Variants in AIG1 observed in about 807,000 individuals in gnomAD.
AIG1 encodes the protein androgen induced 1, also known as androgen-induced gene 1 protein.
Under a neutral mutation model 31.4 loss-of-function variants are expected in AIG1, and 23 were observed. The ratio of observed to expected loss-of-function variants is 0.73; its 90% CI spans 0.53 to 1.04. The LOEUF (loss-of-function observed/expected upper bound fraction) is 1.04, where lower values mean the gene tolerates loss of function less well. Among genes scored for constraint, AIG1 ranks in the 50% least tolerant of loss-of-function variants. AIG1 has a pLI of 0.00. For missense variants in AIG1, 274 were observed against 295.0 expected, an observed-to-expected ratio of 0.93 and a Z score of 0.52; for synonymous variants, 100 against 110.5, an observed-to-expected ratio of 0.90 and a Z score of 0.60.
intron 3 of AIG1, among the ~76,000 whole-genome samples, chr6:143,273,040 A>G (rs974051658): frequency 6.6e-6 from 1 of 152,114 alleles, no homozygotes; most frequent in African/African-American, 2.4e-5. Context: ...GAGGCAGGAG[A>G]ATTGCTTGAA....
chr6:143,075,700 A>G (rs918973563), intron 1 of AIG1, among the ~76,000 whole-genome samples: 11 of 152,196 alleles, frequency 7.2e-5, no homozygotes, highest in African/African-American at 1.7e-4. Flanking sequence ...GGAAGCTTAC[A>G]TGATTAATAT....
Position 143,269,358 on chromosome 6 carries a change from C to T in AIG1, c.400-14752C>T, listed in dbSNP as rs77110413. ...TCAGAATAAGTGGAACTCTCATACACTGCTGACGGGAGGGTCTATTGGTAC... is the reference window on the plus strand; with the variant it reads ...TCAGAATAAGTGGAACTCTCATACATTGCTGACGGGAGGGTCTATTGGTAC... On this transcript the variant is annotated intron_variant, in intron 3 of 5. Transcript: ENST00000357847. 2.3e-3 allele frequency among the ~76,000 whole-genome samples: 349 copies of T among 152,364 alleles called. 1 individual carries two copies. Among genetic ancestry groups the T allele is most frequent in the African/African-American group, 7.9e-3 (327 of 41,582 alleles).
chr6:143,116,520 CT>C (rs1490802087), intron 1 of AIG1, among the ~76,000 whole-genome samples: 1 of 151,742 alleles, frequency 6.6e-6, no homozygotes, highest in African/African-American at 2.4e-5. Flanking sequence ...GTAAAAACTG[CT>C]GCCATGAAAT....
chr6:143,216,574 A>G (rs112584724), intron 3 of AIG1, among the ~76,000 whole-genome samples: 131 of 151,922 alleles, frequency 8.6e-4, no homozygotes, highest in African/African-American at 3.0e-3. Flanking sequence ...TCTTTTCAGC[A>G]GAGACTTTAC....
intron 3 of AIG1, among the ~76,000 whole-genome samples, chr6:143,223,930 T>C (rs527471369): frequency 5.3e-5 from 8 of 152,302 alleles, no homozygotes; most frequent in African/African-American, 1.9e-4. Context: ...GCTGTAGTGT[T>C]GATTTTAAAA....
In AIG1 at chr6:143,292,451, T is replaced by G. The variant is rs1413183552; in HGVS notation, c.515+8226T>G. Among the ~76,000 whole-genome samples, 1 of 152,142 alleles carries G rather than the reference T, an allele frequency of 6.6e-6. No homozygotes were observed. The highest frequency in any genetic ancestry group is 1.5e-5 in the Non-Finnish European group (1 of 68,030). On this transcript the variant is annotated intron_variant, in intron 4 of 5. Coordinates refer to ENST00000357847, the MANE Select transcript of AIG1 (RefSeq NM_016108.4). The surrounding 1 kb of genome is among the most constrained non-coding windows in gnomAD (Gnocchi z 4.9). ...AGGACTTGAACTGCCGTCACTGGCT[T>G]TGAAGACAGAGGAAGGGGCTGTGAG...
At chr6:143,164,155 C>T (rs1407286907) in intron 2 of AIG1, among the ~76,000 whole-genome samples, 4 of 152,080 alleles carry the variant, frequency 2.6e-5, no homozygotes, top group Non-Finnish European at 5.9e-5. Flanking sequence ...AATATTTATG[C>T]TGTATTTTTC....
At chr6:143,210,222 T>G (rs1238977195) in intron 3 of AIG1, among the ~76,000 whole-genome samples, 1 of 152,226 alleles carries the variant, frequency 6.6e-6, no homozygotes, top group Non-Finnish European at 1.5e-5. Flanking sequence ...TCTGCCATGA[T>G]TGTAAGTTTA....
At chr6:143,271,841 T>C (rs1796547642) in intron 3 of AIG1, among the ~76,000 whole-genome samples, 1 of 143,232 alleles carries the variant, frequency 7.0e-6, no homozygotes, top group Non-Finnish European at 1.5e-5. Flanking sequence ...GAATATATCT[T>C]TCAGTTTGCT....
intron 2 of AIG1, among the ~76,000 whole-genome samples, chr6:143,149,378 T>G (rs567784550): frequency 1.3e-5 from 2 of 151,170 alleles, no homozygotes; most frequent in African/African-American, 4.8e-5. Context: ...ATACAAAAAA[T>G]TAGCCAGGCG....
chr6:143,172,838 C>G (rs532828928), intron 3 of AIG1, among the ~76,000 whole-genome samples: 1 of 152,206 alleles, frequency 6.6e-6, no homozygotes, highest in South Asian at 2.1e-4. Flanking sequence ...TCTAGGTTTT[C>G]TAGTTTATGT....
intron 4 of AIG1, among the ~76,000 whole-genome samples, chr6:143,314,848 T>C (rs780924793): frequency 2.0e-5 from 3 of 152,156 alleles, no homozygotes; most frequent in Non-Finnish European, 4.4e-5. Context: ...GAAGCAAATC[T>C]GATTGATTTT....
intron 4 of AIG1, among the ~76,000 whole-genome samples, chr6:143,296,430 T>C (rs2128693144): frequency 6.6e-6 from 1 of 152,306 alleles, no homozygotes; most frequent in South Asian, 2.1e-4. Context: ...TGAGAGCATT[T>C]TGAAGACTCA....
chr6:143,125,855 T>G (rs1433948551), intron 1 of AIG1, among the ~76,000 whole-genome samples: 2 of 152,206 alleles, frequency 1.3e-5, no homozygotes, highest in Admixed American at 6.5e-5. Flanking sequence ...AAACTTATGT[T>G]TTTTCCTGCC....
At position 143,340,832 on chromosome 6, in the gene AIG1, TTA is replaced by T. The variant is rs553020537; in HGVS notation, c.*1161_*1162del. Among the ~76,000 whole-genome samples the T allele has an allele frequency of 1.3e-3, 203 of 152,296 alleles. No individual in the cohort carries two copies. The highest frequency in any genetic ancestry group is 4.8e-3 in the African/African-American group (198 of 41,572). ...AATTATTTTTAAGATGAAAAATATG[TTA>T]TATAAATTATAAAATGTTACTTAAC... is the stretch of plus-strand genomic sequence containing the variant. On this transcript the variant is annotated 3_prime_UTR_variant, in exon 6 of 6. Transcript: ENST00000357847.
downstream of AIG1, chr6:143,342,765 T>A: frequency 1.2e-6 from 1 of 816,780 alleles, no homozygotes. Context: ...GTATCATAGC[T>A]GCAAACGTCC....
intron 1 of AIG1, among the ~76,000 whole-genome samples, chr6:143,094,595 A>G (rs1462745764): frequency 1.3e-5 from 2 of 152,230 alleles, no homozygotes; most frequent in Admixed American, 6.5e-5. Flanking sequence ...AAATTGAGCT[A>G]GAATTGTACA....
chr6:143,118,166 G>A (rs1353736251), intron 1 of AIG1, among the ~76,000 whole-genome samples: 1 of 152,084 alleles, frequency 6.6e-6, no homozygotes, highest in Non-Finnish European at 1.5e-5. Context: ...CGCCCGGTGA[G>A]CACATCATGC....
chr6:143,111,554 T>A (rs1213215761), intron 1 of AIG1, among the ~76,000 whole-genome samples: 2 of 152,208 alleles, frequency 1.3e-5, no homozygotes, highest in South Asian at 2.1e-4. Flanking sequence ...TGGAACTCGT[T>A]CACTCTGTGG....
Sources: allele counts gnomAD v4.1 joint callset (sites outside exome capture counted in the v4.1 genomes callset), GRCh38; gene constraint gnomAD v4.1.1; non-coding constraint Gnocchi (gnomAD v3.1); transcripts MANE v1.5; gene names NCBI Gene and HGNC (gene_info 2026-07-23, HGNC 2026-07-21).